GRIA4: variants seen among roughly 807,000 people sequenced by gnomAD.
GRIA4 encodes the protein glutamate receptor 4.
GRIA4 carries 34 observed loss-of-function variants against 104.0 expected under a neutral mutation model. The observed-to-expected ratio is 0.33, with a 90% confidence interval of 0.25 to 0.44. The LOEUF is 0.44. GRIA4 is among the 20% of genes least tolerant of loss of function. GRIA4 has a pLI of 1.00. For synonymous variants in GRIA4, 386 were observed against 381.9 expected (o/e 1.01, Z -0.13); for missense variants, 750 against 1,096.5 (o/e 0.68, Z 4.46).
At chr11:105,888,352 C>A (rs1452565852) in intron 6 of GRIA4, among the ~76,000 whole-genome samples, 2 of 120,172 alleles carry the variant, frequency 1.7e-5, no homozygotes, top group African/African-American at 3.2e-5. Flanking sequence ...GGCGGGATCT[C>A]GGCTCACTGC....
At chr11:105,670,641 A>G in intron 3 of GRIA4, among the ~76,000 whole-genome samples, 1 of 152,142 alleles carries the variant, frequency 6.6e-6, no homozygotes, top group East Asian at 1.9e-4. Context: ...AATTTCTCAC[A>G]TCCTTAGCTA....
chr11:105,668,672 T>TTCG (rs1952255408), intron 3 of GRIA4, among the ~76,000 whole-genome samples: 1 of 83,510 alleles, frequency 1.2e-5, no homozygotes, highest in African/African-American at 4.6e-5. Context: ...CTTATTATCT[T>TTCG]TTGTCTTTTT....
At chr11:105,965,966 GT>G in intron 14 of GRIA4, 1 of 1,610,342 alleles carries the variant, frequency 6.2e-7, no homozygotes, top group Non-Finnish European at 8.5e-7. Flanking sequence ...TAACCTCGCA[GT>G]TTTAAAACTG....
chr11:105,851,650 G>T (rs578237750), intron 4 of GRIA4, among the ~76,000 whole-genome samples: 25 of 152,144 alleles, frequency 1.6e-4, no homozygotes, highest in Non-Finnish European at 3.1e-4. Context: ...AATAGCCATT[G>T]CATTCCGTTA....
At chr11:105,902,906 T>G (rs1165185036) in intron 7 of GRIA4, among the ~76,000 whole-genome samples, 1 of 152,194 alleles carries the variant, frequency 6.6e-6, no homozygotes, top group African/African-American at 2.4e-5. Flanking sequence ...TTCAAGAAAA[T>G]TGTGCCCCAT....
intron 4 of GRIA4, among the ~76,000 whole-genome samples, chr11:105,764,419 TTTG>T (rs1463409937): frequency 6.6e-6 from 1 of 152,206 alleles, no homozygotes; most frequent in African/African-American, 2.4e-5. Context: ...ACCTGAAATG[TTTG>T]TTATTTGAAT....
chr11:105,832,791 C>T (rs1159959431), intron 4 of GRIA4, among the ~76,000 whole-genome samples: 4 of 151,976 alleles, frequency 2.6e-5, no homozygotes, highest in Non-Finnish European at 2.9e-5. Flanking sequence ...CATTGTCCTT[C>T]GGCATTTTTA....
chr11:105,877,545 C>T (rs905131636), intron 5 of GRIA4, among the ~76,000 whole-genome samples: 3 of 152,182 alleles, frequency 2.0e-5, no homozygotes, highest in African/African-American at 7.2e-5. Context: ...TCAGGTACAC[C>T]AATCAAATGT....
chr11:105,875,243 C>T (rs1280778212), intron 5 of GRIA4, among the ~76,000 whole-genome samples: 1 of 152,156 alleles, frequency 6.6e-6, no homozygotes, highest in Non-Finnish European at 1.5e-5. Flanking sequence ...TTGAACCAGC[C>T]TCACATCTCA....
At chr11:105,766,887 C>T (rs1940971118) in intron 4 of GRIA4, among the ~76,000 whole-genome samples, 1 of 152,110 alleles carries the variant, frequency 6.6e-6, no homozygotes, top group Admixed American at 6.6e-5. Context: ...CTTAATGTTA[C>T]CTTCTCAATG....
chr11:105,900,966 AT>A, intron 7 of GRIA4, among the ~76,000 whole-genome samples: 1 of 152,098 alleles, frequency 6.6e-6, no homozygotes, highest in Non-Finnish European at 1.5e-5. Flanking sequence ...ATATATATAT[AT>A]ATATTTTGTA....
At chr11:105,831,185 A>G (rs922355152) in intron 4 of GRIA4, among the ~76,000 whole-genome samples, 2 of 152,048 alleles carry the variant, frequency 1.3e-5, no homozygotes, top group African/African-American at 4.8e-5. Flanking sequence ...GCAAGTTGGT[A>G]TCAGCTCTCA....
At chr11:105,709,388 T>A (rs1260073891) in intron 3 of GRIA4, among the ~76,000 whole-genome samples, 1 of 152,136 alleles carries the variant, frequency 6.6e-6, no homozygotes, top group Non-Finnish European at 1.5e-5. Context: ...TAGGTAAATA[T>A]CACAGTCATA....
chr11:105,855,496 A>G (rs554685881), intron 4 of GRIA4, among the ~76,000 whole-genome samples: 1 of 152,252 alleles, frequency 6.6e-6, no homozygotes, highest in African/African-American at 2.4e-5. Flanking sequence ...TATATAAAAT[A>G]TATAGTAAAA....
intron 14 of GRIA4, among the ~76,000 whole-genome samples, chr11:105,962,665 C>T (rs1040529974): frequency 3.3e-5 from 5 of 152,080 alleles, no homozygotes; most frequent in African/African-American, 7.2e-5. Flanking sequence ...CCTAGATTTT[C>T]GCTAAGGCAT....
chr11:105,626,433 A>G (rs1950889064), intron 3 of GRIA4, among the ~76,000 whole-genome samples: 1 of 152,196 alleles, frequency 6.6e-6, no homozygotes, highest in African/African-American at 2.4e-5. Context: ...ACAATTTTAC[A>G]TAATAAATTA....
intron 11 of GRIA4, 50 bp downstream of exon 11, chr11:105,918,968 C>G (rs1361965633): frequency 9.1e-7 from 1 of 1,099,216 alleles, no homozygotes; most frequent in Non-Finnish European, 1.4e-6. Flanking sequence ...CCTGAAACTT[C>G]TTTTCCCTTG....
intron 4 of GRIA4, among the ~76,000 whole-genome samples, chr11:105,805,381 A>T (rs1326398512): frequency 6.6e-6 from 1 of 151,620 alleles, no homozygotes; most frequent in Non-Finnish European, 1.5e-5. Flanking sequence ...TAAGAGGGAA[A>T]ACATGAACAA....
At chr11:105,734,177 A>C (rs904830603) in intron 3 of GRIA4, among the ~76,000 whole-genome samples, 4 of 151,254 alleles carry the variant, frequency 2.6e-5, no homozygotes, top group African/African-American at 4.9e-5. Context: ...CAGGCATCTC[A>C]AACTAAGTAT....
Sources: allele counts gnomAD v4.1 joint callset (sites outside exome capture counted in the v4.1 genomes callset), GRCh38; gene constraint gnomAD v4.1.1; transcripts MANE v1.5; gene names NCBI Gene and HGNC (gene_info 2026-07-23, HGNC 2026-07-21).